Variants in NAALADL2 observed in about 807,000 individuals in gnomAD.
NAALADL2 encodes the protein N-acetylated alpha-linked acidic dipeptidase like 2.
In NAALADL2, 76 loss-of-function variants were observed where a neutral mutation model predicts 87.2. That is an observed-to-expected ratio of 0.87 (90% CI 0.72 to 1.05). The LOEUF is 1.05. Ranked by LOEUF, NAALADL2 falls within the 50% of genes least tolerant of loss-of-function variation. The pLI is 0.00. For missense variants in NAALADL2, 1,089 were observed against 945.8 expected (o/e 1.15, Z -1.99); for synonymous variants, 354 against 331.0 (o/e 1.07, Z -0.75).
In NAALADL2 at chr3:175,134,170, C is replaced by CT. The variant is rs753976632; in HGVS notation, c.545+36881dup. On this transcript the variant is annotated intron_variant, in intron 2 of 13. Transcript: ENST00000454872. ...TGCTTCTTTTATTCTGGTTTGGTTT[C>CT]TTCTCATTGTGTCTTGTAATATGTG... 7.2e-5 allele frequency among the ~76,000 whole-genome samples: 11 copies of CT among 152,300 alleles called. No individual in the cohort carries two copies. The South Asian group carries it at 1.7e-3, about 23-fold the overall frequency.
intron 2 of NAALADL2, among the ~76,000 whole-genome samples, chr3:174,601,960 G>C (rs1300020655): frequency 6.6e-6 from 1 of 152,098 alleles, no homozygotes; most frequent in Non-Finnish European, 1.5e-5. Context: ...CACTGTAGAT[G>C]TGTGGATTTA....
rs73881420 is a variant in NAALADL2, at chr3:175,171,764, T to C, written c.546-62167T>C. 3.6e-3 allele frequency among the ~76,000 whole-genome samples: 549 copies of C among 152,200 alleles called. 3 individuals are homozygous for C. Among genetic ancestry groups the C allele is most frequent in the Middle Eastern group, 0.017 (5 of 294 alleles). On this transcript the variant is annotated intron_variant, in intron 2 of 13. Coordinates refer to ENST00000454872, the MANE Select transcript of NAALADL2 (RefSeq NM_207015.3). ...TGAAATCGTGTCATTTACAGCAACA[T>C]GGATGAACTTTAGTTCATTTTATGT...
chr3:174,749,056 C>G (rs1734562831), intron 3 of NAALADL2, among the ~76,000 whole-genome samples: 1 of 152,098 alleles, frequency 6.6e-6, no homozygotes, highest in South Asian at 2.1e-4. Context: ...GAAAACTTGC[C>G]TGTTTCAGCC....
intron 9 of NAALADL2, among the ~76,000 whole-genome samples, chr3:175,568,347 CAGT>C (rs1380904381): frequency 1.3e-5 from 2 of 151,948 alleles, no homozygotes; most frequent in African/African-American, 4.8e-5. Context: ...ATGGCACACA[CAGT>C]AAATAAGTAT....
At chr3:174,887,352 T>C (rs1434697344) in intron 1 of NAALADL2, among the ~76,000 whole-genome samples, 1 of 152,122 alleles carries the variant, frequency 6.6e-6, no homozygotes, top group Admixed American at 6.6e-5. Context: ...AAAGAGATTA[T>C]ATGTTTATTA....
intron 2 of NAALADL2, among the ~76,000 whole-genome samples, chr3:174,736,190 C>T (rs553493567): frequency 8.5e-5 from 13 of 152,082 alleles, no homozygotes; most frequent in African/African-American, 2.9e-4. Context: ...TCTAGGAGGT[C>T]CACAGCTCTT....
At chr3:175,591,784 G>GTGTGTATATATATATA (rs1443245536) in intron 10 of NAALADL2, among the ~76,000 whole-genome samples, 6 of 137,040 alleles carry the variant, frequency 4.4e-5, no homozygotes, top group Non-Finnish European at 9.4e-5. Context: ...GTGTGTGTGT[G>GTGTGTATATATATATA]TATATATATA....
chr3:175,673,007 G>A (rs1224087152), intron 11 of NAALADL2, among the ~76,000 whole-genome samples: 1 of 152,004 alleles, frequency 6.6e-6, no homozygotes, highest in Non-Finnish European at 1.5e-5. Flanking sequence ...TATTTTATGA[G>A]GAATATTAAT....
intron 1 of NAALADL2, among the ~76,000 whole-genome samples, chr3:175,020,116 G>A (rs953333740): frequency 3.9e-5 from 6 of 152,060 alleles, no homozygotes; most frequent in Admixed American, 1.3e-4. Flanking sequence ...GACATGCAGA[G>A]CATTTAGTGT....
At chr3:175,478,865 A>C (rs999124707) in intron 9 of NAALADL2, among the ~76,000 whole-genome samples, 41 of 152,002 alleles carry the variant, frequency 2.7e-4, no homozygotes, top group African/African-American at 9.4e-4. Context: ...ATTTACTCTG[A>C]TAAATTGTTG....
chr3:174,523,865 TA>T (rs1720492508), intron 1 of NAALADL2, among the ~76,000 whole-genome samples: 1 of 152,228 alleles, frequency 6.6e-6, no homozygotes, highest in South Asian at 2.1e-4. Flanking sequence ...TATGGTTGTA[TA>T]ACATTATTTT....
intron 1 of NAALADL2, among the ~76,000 whole-genome samples, chr3:174,870,964 C>T (rs1560305615): frequency 6.6e-6 from 1 of 152,146 alleles, no homozygotes; most frequent in Admixed American, 6.5e-5. Context: ...TACCTACCCT[C>T]ACACTCTTAT....
intron 2 of NAALADL2, among the ~76,000 whole-genome samples, chr3:175,133,202 A>G (rs1728475787): frequency 1.5e-5 from 2 of 137,080 alleles, no homozygotes; most frequent in Admixed American, 7.3e-5. Flanking sequence ...CCTAGATGGG[A>G]TGGCGGCCGG....
At chr3:174,746,698 T>G (rs1485964835) in intron 3 of NAALADL2, among the ~76,000 whole-genome samples, 2 of 152,176 alleles carry the variant, frequency 1.3e-5, no homozygotes, top group East Asian at 3.9e-4. Context: ...AAGGCTACAA[T>G]AACCAAAACA....
At chr3:175,406,988 C>T (rs1019110888) in intron 5 of NAALADL2, among the ~76,000 whole-genome samples, 1 of 152,080 alleles carries the variant, frequency 6.6e-6, no homozygotes, top group African/African-American at 2.4e-5. Flanking sequence ...CAAGACCAGC[C>T]TGGCTAACAT....
At chr3:174,615,488 A>C (rs950258667) in intron 2 of NAALADL2, among the ~76,000 whole-genome samples, 2 of 152,222 alleles carry the variant, frequency 1.3e-5, no homozygotes, top group Non-Finnish European at 2.9e-5. Context: ...CAGTAGCACT[A>C]TCATTGGGAA....
intron 6 of NAALADL2, chr3:175,460,035 G>T: frequency 1.4e-5 from 5 of 369,494 alleles, no homozygotes; most frequent in Non-Finnish European, 2.7e-5. Context: ...TTCTGTTATT[G>T]CTATTACAGA....
At chr3:175,585,370 T>C (rs73171403) in intron 10 of NAALADL2, among the ~76,000 whole-genome samples, 27,175 of 152,074 alleles carry the variant, frequency 0.18, 2,764 homozygotes, top group African/African-American at 0.27. Flanking sequence ...TTTTATCTTC[T>C]GCTAGATTCA....
intron 10 of NAALADL2, among the ~76,000 whole-genome samples, chr3:175,603,995 A>AAAC (rs938932347): frequency 8.5e-5 from 13 of 152,072 alleles, no homozygotes; most frequent in Admixed American, 1.3e-4. Flanking sequence ...CCTGAAAGAA[A>AAAC]AACAACAACA....
Sources: allele counts gnomAD v4.1 joint callset (sites outside exome capture counted in the v4.1 genomes callset), GRCh38; gene constraint gnomAD v4.1.1; transcripts MANE v1.5; gene names NCBI Gene and HGNC (gene_info 2026-07-23, HGNC 2026-07-21).